RBPJ: variants seen among roughly 807,000 people sequenced by gnomAD.
The protein encoded by RBPJ is recombining binding protein suppressor of hairless.
Under a neutral mutation model 67.8 loss-of-function variants are expected in RBPJ, and 9 were observed. The observed-to-expected ratio is 0.13, with a 90% CI of 0.08 to 0.23. RBPJ has a LOEUF of 0.23. Among genes scored for constraint, RBPJ ranks in the 10% least tolerant of loss-of-function variants. The pLI is 1.00. For synonymous variants in RBPJ, 198 were observed against 203.3 expected (o/e 0.97, Z 0.22); for missense variants, 305 against 595.6 (o/e 0.51, Z 5.08).
intron 1 of RBPJ, among the ~76,000 whole-genome samples, chr4:26,270,009 C>T (rs1237117027): frequency 6.6e-6 from 1 of 151,874 alleles, no homozygotes; most frequent in Non-Finnish European, 1.5e-5. Context: ...GGGCCAGGCA[C>T]GGCGGCTCAG....
chr4:26,266,043 G>A (rs1184960328), intron 1 of RBPJ, among the ~76,000 whole-genome samples: 2 of 150,012 alleles, frequency 1.3e-5, no homozygotes, highest in African/African-American at 5.0e-5. Context: ...AAAAAAAAAA[G>A]GATCTTGGTT....
Position 26,173,427 on chromosome 4 carries a change from C to T in RBPJ, c.-167+9813C>T, listed in dbSNP as rs185890272. Among the ~76,000 whole-genome samples, 19 of 152,264 alleles carry T rather than the reference C, an allele frequency of 1.2e-4. No homozygotes were observed. In the East Asian group the frequency reaches 2.7e-3, roughly 22 times the overall value. ...CTGGGATGACAGGCATGAGCCACTG[C>T]GCCCGGCTTGCAGTAGGTTTTGAGT... is the stretch of plus-strand genomic sequence containing the variant. On this transcript the variant is annotated intron_variant, in intron 1 of 4. Coordinates refer to the RBPJ transcript ENST00000512351.
At chr4:26,196,721 T>G (rs769878666) in intron 1 of RBPJ, among the ~76,000 whole-genome samples, 1 of 152,188 alleles carries the variant, frequency 6.6e-6, no homozygotes, top group Non-Finnish European at 1.5e-5. Context: ...GACAGCCACA[T>G]ACCCACTGTT....
upstream of RBPJ, among the ~76,000 whole-genome samples, chr4:26,161,025 A>T (rs1230689808): frequency 6.6e-6 from 1 of 152,234 alleles, no homozygotes; most frequent in Middle Eastern, 3.2e-3. Context: ...CATACTGCCA[A>T]GAGGCAGAGG....
chr4:26,382,303 T>G (rs559453450), intron 1 of RBPJ, among the ~76,000 whole-genome samples: 36 of 152,356 alleles, frequency 2.4e-4, no homozygotes, highest in African/African-American at 8.7e-4. Context: ...CTGTGAGTAA[T>G]TGATAGCTGA....
chr4:26,412,132 G>A (rs1189236220), intron 3 of RBPJ, among the ~76,000 whole-genome samples: 2 of 140,410 alleles, frequency 1.4e-5, no homozygotes, highest in Non-Finnish European at 3.1e-5. Flanking sequence ...AAAAAAAAAA[G>A]TACCATTTAT....
chr4:26,426,700 C>T lies in RBPJ; in HGVS notation c.747+1957C>T, dbSNP rs575756506. 5.3e-5 allele frequency among the ~76,000 whole-genome samples: 8 copies of T among 152,170 alleles called. No homozygotes were observed. The South Asian group carries it at 1.0e-3, about 20-fold the overall frequency. On this transcript the variant is annotated intron_variant, in intron 7 of 10. Coordinates refer to ENST00000355476, the MANE Select transcript of RBPJ (RefSeq NM_015874.6). ...GAGGTCAGGGAAGTCTTTTTGAAGT[C>T]GCAGTATTTGAAGAGAGCCCAGAAT...
chr4:26,236,846 G>A (rs865813402), intron 1 of RBPJ, among the ~76,000 whole-genome samples: 2 of 152,130 alleles, frequency 1.3e-5, no homozygotes, highest in African/African-American at 2.4e-5. Context: ...CTGACTAACC[G>A]GTAGCTATTA....
At chr4:26,360,669 C>T (rs537129511) in intron 1 of RBPJ, among the ~76,000 whole-genome samples, 2 of 150,500 alleles carry the variant, frequency 1.3e-5, no homozygotes, top group South Asian at 4.2e-4. Flanking sequence ...TCTCAGCTCA[C>T]TGCAACCTCT....
chr4:26,261,393 G>A (rs1196308257), intron 1 of RBPJ, among the ~76,000 whole-genome samples: 1 of 152,004 alleles, frequency 6.6e-6, no homozygotes, highest in Admixed American at 6.6e-5. Context: ...AAGAAAATAT[G>A]TTATGCCAAC....
chr4:26,184,062 G>C (rs1717125047), intron 1 of RBPJ, among the ~76,000 whole-genome samples: 1 of 151,526 alleles, frequency 6.6e-6, no homozygotes, highest in Non-Finnish European at 1.5e-5. Context: ...GGTGCCTGCA[G>C]TCCCAACTAC....
At chr4:26,169,868 C>T (rs571634911) in intron 1 of RBPJ, among the ~76,000 whole-genome samples, 15 of 152,324 alleles carry the variant, frequency 9.8e-5, no homozygotes, top group Admixed American at 3.3e-4. Context: ...GGGCGTAGGA[C>T]CCTCTGAGCC....
intron 1 of RBPJ, among the ~76,000 whole-genome samples, chr4:26,244,853 C>G (rs1351569912): frequency 6.6e-6 from 1 of 152,070 alleles, no homozygotes; most frequent in African/African-American, 2.4e-5. Context: ...AGGCTGATCT[C>G]AAACTCTTGG....
At position 26,430,023 on chromosome 4, in the gene RBPJ, C is replaced by A; in HGVS notation, c.1014C>A (p.Val338=). 6.2e-7 allele frequency: 1 copy of A among 1,614,114 alleles called. No individual in the cohort carries two copies. Among genetic ancestry groups the A allele is most frequent in the South Asian group, 1.1e-5 (1 of 91,080 alleles). Reference sequence around the variant, plus strand: ...GAATGGGCCCTGTCCTTGCCCCAGTCACTCCTGTGCCTGTGGTAGAGAGCC... The same window carrying A: ...GAATGGGCCCTGTCCTTGCCCCAGTAACTCCTGTGCCTGTGGTAGAGAGCC... ...YEGMGPVLAP[V]TPVPVVESLQ... is the part of the protein sequence containing the mutation. Residue 338 remains valine, a synonymous_variant, in exon 9 of 11, where the codon GTC becomes GTA. Transcript: ENST00000355476. This position sits in a 1 kb window ranked among gnomAD's most constrained non-coding sequence, Gnocchi z 4.1.
upstream of RBPJ, among the ~76,000 whole-genome samples, chr4:26,162,429 C>T (rs1310974194): frequency 1.3e-5 from 2 of 152,246 alleles, no homozygotes. Flanking sequence ...AGGTCACGTG[C>T]TGTGCCCAAG....
chr4:26,234,011 T>C (rs1169779821), intron 1 of RBPJ, among the ~76,000 whole-genome samples: 3 of 152,184 alleles, frequency 2.0e-5, no homozygotes, highest in Non-Finnish European at 4.4e-5. Context: ...GGATTCTAGT[T>C]TGGGGTTTGG....
At chr4:26,263,683 T>C (rs922860448) in intron 1 of RBPJ, among the ~76,000 whole-genome samples, 1 of 152,166 alleles carries the variant, frequency 6.6e-6, no homozygotes, top group Non-Finnish European at 1.5e-5. Flanking sequence ...GCAATTCTCC[T>C]GCCTCAGCCT....
intron 1 of RBPJ, among the ~76,000 whole-genome samples, chr4:26,342,467 A>G (rs1278457517): frequency 6.6e-6 from 1 of 152,178 alleles, no homozygotes; most frequent in Non-Finnish European, 1.5e-5. Flanking sequence ...TTGTAGTATG[A>G]ACATCTGCTA....
intron 1 of RBPJ, among the ~76,000 whole-genome samples, chr4:26,380,924 T>C (rs1730254234): frequency 6.6e-6 from 1 of 151,430 alleles, no homozygotes; most frequent in Non-Finnish European, 1.5e-5. Context: ...AAGTAGGGTG[T>C]CCCTGTGAGC....
Sources: gnomAD v4.1 joint callset for allele counts (sites outside exome capture counted in the v4.1 genomes callset) on GRCh38, gnomAD v4.1.1 for gene constraint, Gnocchi (gnomAD v3.1) non-coding constraint, MANE v1.5 for transcripts, NCBI Gene and HGNC (gene_info 2026-07-23, HGNC 2026-07-21) for gene names.